The following MRTFA variants were observed in gnomAD, a reference collection of about 807,000 sequenced individuals.
MRTFA encodes myocardin-related transcription factor A.
MRTFA carries 20 observed loss-of-function variants against 83.5 expected under a neutral mutation model. The ratio of observed to expected loss-of-function variants is 0.24; its 90% CI spans 0.17 to 0.35. MRTFA has a LOEUF of 0.35. Among genes scored for constraint, MRTFA ranks in the 10% least tolerant of loss-of-function variants. The pLI is 1.00. For synonymous variants in MRTFA, 659 were observed against 541.2 expected, an observed-to-expected ratio of 1.22 and a Z score of -3.02; for missense variants, 1,200 against 1,224.7, an observed-to-expected ratio of 0.98 and a Z score of 0.30.
intron 3 of MRTFA, chr22:40,522,482 G>A (rs2054886589): frequency 1.3e-5 from 2 of 152,206 alleles, no homozygotes; most frequent in Admixed American, 6.6e-5. Flanking sequence ...CCAAGATGCT[G>A]TGAGATGTGT....
intron 3 of MRTFA, among the ~76,000 whole-genome samples, chr22:40,516,672 T>A (rs1333480340): frequency 6.6e-6 from 1 of 152,068 alleles, no homozygotes; most frequent in Non-Finnish European, 1.5e-5. Context: ...AAGTTTTCCT[T>A]AGTTTCAAGC....
intron 3 of MRTFA, among the ~76,000 whole-genome samples, chr22:40,544,162 A>C (rs958374364): frequency 2.6e-5 from 4 of 152,154 alleles, no homozygotes; most frequent in African/African-American, 9.7e-5. Flanking sequence ...TTATTTCCAG[A>C]AACACAAGAC....
At chr22:40,481,278 C>T (rs1452819225) in intron 3 of MRTFA, among the ~76,000 whole-genome samples, 1 of 152,178 alleles carries the variant, frequency 6.6e-6, no homozygotes, top group Non-Finnish European at 1.5e-5. Flanking sequence ...CCTGGTACAA[C>T]TTCCTTCCTG....
chr22:40,418,716 G>A lies in MRTFA; in HGVS notation c.2022C>T (p.Pro674=), dbSNP rs771502561. 1.4e-5 allele frequency: 21 copies of A among 1,476,698 alleles called. No homozygotes were observed. Among genetic ancestry groups the A allele is most frequent in the Admixed American group, 7.4e-5 (3 of 40,562 alleles). 91.5% of individuals were successfully genotyped at this position (1,476,698 alleles called of 1,614,324 possible). ...TGGAGAAGCTGTTCTCCTGCTTCAC[G>A]GGGGTGCCGAGGGGGGCGGGGGCGG... is the stretch of plus-strand genomic sequence containing the variant. Residue 674 remains proline (P), a synonymous_variant, in exon 12 of 15, where the codon CCC becomes CCT. Coordinates refer to ENST00000355630, the MANE Select transcript of MRTFA (RefSeq NM_020831.6).
At chr22:40,427,018 T>C (rs994786272) in intron 7 of MRTFA, among the ~76,000 whole-genome samples, 4 of 152,192 alleles carry the variant, frequency 2.6e-5, no homozygotes, top group Non-Finnish European at 4.4e-5. Flanking sequence ...AAATCAGTTG[T>C]TTATACATTA....
intron 4 of MRTFA, among the ~76,000 whole-genome samples, chr22:40,453,038 G>T (rs1387131612): frequency 6.6e-6 from 1 of 152,122 alleles, no homozygotes; most frequent in South Asian, 2.1e-4. Flanking sequence ...GCGAGACAAG[G>T]ATGTTGACAC....
Position 40,419,281 on chromosome 22 carries a change from G to A in MRTFA, c.1457C>T (p.Pro486Leu). Residue 486 changes from proline (P) to leucine (L), a missense_variant, in exon 12 of 15, where the codon CCT (proline) becomes CTT (leucine). Around this residue, in one of 2 missense-constraint regions of MRTFA, gnomAD observed 1,107 missense variants for 1,041.8 expected, o/e 1.06. Transcript: ENST00000355630. ...AGGGGCCTTGGGGGCTCCTGGCACAGGGCTGATTTGGTCTTGATAGGCTCG... is the reference window on the plus strand; with the variant it reads ...AGGGGCCTTGGGGGCTCCTGGCACAAGGCTGATTTGGTCTTGATAGGCTCG... 6.2e-7 allele frequency: 1 copy of A among 1,613,800 alleles called. No homozygotes were observed. Among genetic ancestry groups the A allele is most frequent in the Non-Finnish European group, 8.5e-7 (1 of 1,179,938 alleles).
intron 3 of MRTFA, among the ~76,000 whole-genome samples, chr22:40,499,240 G>A (rs1460903121): frequency 6.6e-6 from 1 of 152,146 alleles, no homozygotes; most frequent in African/African-American, 2.4e-5. Flanking sequence ...ACATGACCTA[G>A]TAAATTAAAT....
chr22:40,498,985 C>A (rs1313129094), intron 3 of MRTFA, among the ~76,000 whole-genome samples: 1 of 152,078 alleles, frequency 6.6e-6, no homozygotes, highest in Non-Finnish European at 1.5e-5. Flanking sequence ...ACAGAATGTT[C>A]AGCCAATCGT....
chr22:40,496,650 A>G (rs1231403067), intron 3 of MRTFA, among the ~76,000 whole-genome samples: 3 of 144,878 alleles, frequency 2.1e-5, no homozygotes, highest in Non-Finnish European at 4.5e-5. Flanking sequence ...TCACACAATT[A>G]TGTAACACAT....
intron 3 of MRTFA, among the ~76,000 whole-genome samples, chr22:40,546,343 G>C (rs558238116): frequency 2.6e-5 from 4 of 152,322 alleles, no homozygotes; most frequent in African/African-American, 7.2e-5. Flanking sequence ...GGTAGGCAGA[G>C]AAAGATAGCA....
intron 3 of MRTFA, among the ~76,000 whole-genome samples, chr22:40,497,466 G>C (rs1382148011): frequency 6.6e-6 from 1 of 152,166 alleles, no homozygotes; most frequent in Non-Finnish European, 1.5e-5. Flanking sequence ...ATAATCTTCA[G>C]AAATCATATG....
In MRTFA at chr22:40,435,481, G is replaced by T; in HGVS notation, c.363+18C>A. 1.2e-6 allele frequency: 2 copies of T among 1,613,684 alleles called. No individual in the cohort carries two copies. Among genetic ancestry groups the T allele is most frequent in the Non-Finnish European group, 1.7e-6 (2 of 1,179,642 alleles). ...AAATGCTCTTTGGGAGTTCTGAGGG[G>T]GAAAAAAGGTACCTTACCCTGGCCC... On this transcript the variant is annotated intron_variant, in intron 5 of 14. Transcript: ENST00000355630.
At chr22:40,615,683 T>G in intron 1 of MRTFA, among the ~76,000 whole-genome samples, 1 of 138,360 alleles carries the variant, frequency 7.2e-6, no homozygotes, top group East Asian at 2.0e-4. Flanking sequence ...TATATTTTCT[T>G]TTCTTTTTTT....
At chr22:40,610,916 G>A (rs1297568361) in intron 1 of MRTFA, among the ~76,000 whole-genome samples, 2 of 150,182 alleles carry the variant, frequency 1.3e-5, no homozygotes, top group African/African-American at 4.9e-5. Context: ...TCACCAAAGA[G>A]AGTTGTTTTC....
intron 4 of MRTFA, among the ~76,000 whole-genome samples, chr22:40,459,547 A>T (rs2147145354): frequency 6.6e-6 from 1 of 152,088 alleles, no homozygotes; most frequent in South Asian, 2.1e-4. Flanking sequence ...AGAACAACCC[A>T]AAGTATACAA....
chr22:40,517,309 TA>T (rs916061746), intron 3 of MRTFA, among the ~76,000 whole-genome samples: 1 of 151,918 alleles, frequency 6.6e-6, no homozygotes, highest in Non-Finnish European at 1.5e-5. Flanking sequence ...CAGGGAAAGA[TA>T]AAACAGGAAG....
intron 7 of MRTFA, 103 bp downstream of exon 7, chr22:40,429,503 A>G (rs776333109): frequency 5.2e-6 from 7 of 1,358,536 alleles, no homozygotes; most frequent in Non-Finnish European, 7.3e-6. Flanking sequence ...GAAGTCAAAG[A>G]TTAAGAAGTC....
chr22:40,439,504 C>CAAA (rs756033541), intron 4 of MRTFA, among the ~76,000 whole-genome samples: 12 of 32,140 alleles, frequency 3.7e-4, no homozygotes, highest in African/African-American at 7.1e-4. Context: ...GACTCTGTCT[C>CAAA]AAAAAAAAAA....
Sources: gnomAD v4.1 joint callset for allele counts (sites outside exome capture counted in the v4.1 genomes callset) on GRCh38, gnomAD v4.1.1 for gene constraint, gnomAD v4.1.1 regional missense constraint, MANE v1.5 for transcripts, NCBI Gene and HGNC (gene_info 2026-07-23, HGNC 2026-07-21) for gene names.